Variants in PSMD2 observed in about 807,000 individuals in gnomAD.
PSMD2 encodes the protein proteasome 26S subunit ubiquitin receptor, non-ATPase 2.
In PSMD2, 8 loss-of-function variants were observed where a neutral mutation model predicts 101.5. The ratio of observed to expected loss-of-function variants is 0.08; its 90% CI spans 0.05 to 0.14. The LOEUF (loss-of-function observed/expected upper bound fraction) is 0.14. Among genes scored for constraint, PSMD2 ranks in the 10% least tolerant of loss-of-function variants. The pLI, the probability that PSMD2 is intolerant of heterozygous loss-of-function variation, is 1.00. For missense variants in PSMD2, 784 were observed against 1,147.4 expected (o/e 0.68, Z 4.58); for synonymous variants, 418 against 433.8 (o/e 0.96, Z 0.45).
rs935618239 is a variant in PSMD2, at chr3:184,308,642, A to G, written c.2545-66A>G. The G allele has an allele frequency of 6.3e-7, 1 of 1,587,504 alleles. No individual in the cohort carries two copies. Among genetic ancestry groups the G allele is most frequent in the Non-Finnish European group, 8.6e-7 (1 of 1,158,102 alleles). The stretch of plus-strand genomic sequence containing the variant: ...GAATGTACATATACTTGCTTTGCTG[A>G]AACTGGCGTGGGCGGTGGCTTGTCG... On this transcript the variant is annotated intron_variant, in intron 20 of 20. Coordinates refer to ENST00000310118, the MANE Select transcript of PSMD2 (RefSeq NM_002808.5). This position sits in a 1 kb window ranked among gnomAD's most constrained non-coding sequence, Gnocchi z 6.0.
At position 184,299,324 on chromosome 3, in the gene PSMD2, G is replaced by A; in HGVS notation, c.58G>A (p.Ala20Thr). The change falls in exon 1 of 21, where the codon GCC becomes ACC. Residue 20 changes from alanine to threonine, a missense_variant. This residue lies in a region of PSMD2 where 196 missense variants were observed against 182.4 expected (regional missense o/e 1.07). Transcript: ENST00000310118. ...PVQPQQSPAA[A>T]PGGTDEKPSG... ...GCAGCCCCAGCAGTCTCCAGCGGCG[G>A]CCCCCGGCGGCACGGACGAGAAGCC... 1 of 1,407,156 alleles carries A rather than the reference G, an allele frequency of 7.1e-7. No homozygotes were observed. Among genetic ancestry groups the A allele is most frequent in the Non-Finnish European group, 9.2e-7 (1 of 1,084,204 alleles). The allele number at this position is 1,407,156 out of a possible 1,614,324, so 87.2% of individuals were successfully genotyped here. A position where few individuals can be genotyped will look rare whatever the true frequency, so the allele number is the denominator to read the frequency against.
chr3:184,303,320 G>A lies in PSMD2; in HGVS notation c.1070G>A (p.Arg357Lys), dbSNP rs762333368. The change falls in exon 9 of 21, where the codon AGG (arginine) becomes AAG (lysine). Residue 357 changes from arginine (R) to lysine (K), a missense_variant and splice_region_variant. Around this residue, in one of 6 missense-constraint regions of PSMD2, gnomAD observed 208 missense variants for 301.6 expected, o/e 0.69. Transcript: ENST00000310118. Reference protein sequence around the residue: ...DIYKTHLENNRFGGSGSQVDS... With the variant: ...DIYKTHLENNKFGGSGSQVDS... ...ACTTTTCCTCTCCCTCCTGTTGCAG[G>A]GTTTGGGGGCAGTGGCTCTCAGGTG... 6.2e-7 allele frequency: 1 copy of A among 1,611,388 alleles called. No individual in the cohort carries two copies. The highest frequency in any genetic ancestry group is 2.2e-5 in the East Asian group (1 of 44,868).
rs138827504 is a variant in PSMD2 at position 184,302,290 on chromosome 3, A to G, written c.705-80A>G. The G allele has an allele frequency of 4.7e-4, 653 of 1,403,492 alleles. 4 individuals are homozygous for G. The African/African-American group carries it at 9.9e-3, about 21-fold the overall frequency. The allele number at this position is 1,403,492 out of a possible 1,614,324, so 86.9% of individuals were successfully genotyped here. A position where few individuals can be genotyped will look rare whatever the true frequency, so the allele number is the denominator to read the frequency against. Reference sequence around the variant, plus strand: ...CTGGTGTATATAGTAGATATTTATTATTTATTTTGGGTAAGTGAATTCATG... The same window carrying G: ...CTGGTGTATATAGTAGATATTTATTGTTTATTTTGGGTAAGTGAATTCATG... On this transcript the variant is annotated intron_variant, in intron 5 of 20. Coordinates refer to ENST00000310118, the MANE Select transcript of PSMD2 (RefSeq NM_002808.5).
At chr3:184,301,386 G>T in intron 3 of PSMD2, 151 bp from the exon 4 acceptor site, 1 of 1,011,216 alleles carries the variant, frequency 9.9e-7, no homozygotes, top group Non-Finnish European at 1.4e-6. Context: ...TGGTTTTTGT[G>T]AGGTTTAGCT....
chr3:184,299,492 A>C (rs1721571051), intron 1 of PSMD2, 91 bp downstream of exon 1: 6 of 1,300,976 alleles, frequency 4.6e-6, no homozygotes, highest in Non-Finnish European at 5.9e-6. Flanking sequence ...CAACTACCCC[A>C]CCGCGCCAGG....
chr3:184,301,398 A>G (rs953826428), intron 3 of PSMD2, 139 bp from the exon 4 acceptor site: 1 of 1,152,314 alleles, frequency 8.7e-7, no homozygotes, highest in African/African-American at 1.5e-5. Flanking sequence ...GGTTTAGCTT[A>G]CATAACATGT....
intron 4 of PSMD2, 33 bp downstream of exon 4, chr3:184,301,691 G>A: frequency 8.1e-6 from 13 of 1,612,946 alleles, no homozygotes; most frequent in Non-Finnish European, 1.1e-5. Context: ...TCCGAAGGGG[G>A]CTCTGAGGCT....
chr3:184,300,714 C>T (rs750219482), intron 3 of PSMD2: 14 of 1,110,448 alleles, frequency 1.3e-5, no homozygotes, highest in East Asian at 4.3e-5. Context: ...TTTCTCTTTT[C>T]TTCTATCCCA....
rs1721866890 is a variant in PSMD2, at chr3:184,307,364, A to G, written c.2042A>G (p.Tyr681Cys). The change falls in exon 17 of 21, where the codon TAT becomes TGT. Residue 681 changes from tyrosine to cysteine, a missense_variant. Coordinates refer to ENST00000310118, the MANE Select transcript of PSMD2 (RefSeq NM_002808.5). ...ATTTTCTTGGATCATCAGCTGAGAT[A>G]TGGGGAGCCTACACTCCGGAGGGCT... ...ALRTFGHLLR[Y>C]GEPTLRRAVP... The G allele has an allele frequency of 2.5e-6, 4 of 1,613,976 alleles. No individual in the cohort carries two copies. Among genetic ancestry groups the G allele is most frequent in the Non-Finnish European group, 3.4e-6 (4 of 1,179,992 alleles).
chr3:184,301,336 C>CA (rs112455702), intron 3 of PSMD2, among the ~76,000 whole-genome samples: 1,746 of 90,234 alleles, frequency 0.019, 14 homozygotes, highest in Non-Finnish European at 0.023. Flanking sequence ...AACTGAGTCT[C>CA]AAAAAAAAAA....
Position 184,303,370 on chromosome 3 carries a change from T to G in PSMD2, c.1120T>G (p.Ser374Ala), listed in dbSNP as rs1456973685. ...QVDSARMNLASSFVNGFVNAA... is the reference protein window; with the variant it reads ...QVDSARMNLAASFVNGFVNAA... ...GGACTCTGCCCGCATGAACCTGGCC[T>G]CCTCTTTTGTGAATGGCTTTGTGAA... Residue 374 changes from serine to alanine, a missense_variant, in exon 9 of 21, where the codon TCC (serine) becomes GCC (alanine). Transcript: ENST00000310118. 5.6e-6 allele frequency: 9 copies of G among 1,614,044 alleles called. No individual in the cohort carries two copies. The Admixed American group carries it at 1.2e-4, about 21-fold the overall frequency.
In PSMD2 at chr3:184,299,300, C is replaced by T; in HGVS notation, c.34C>T (p.Gln12Ter). ...GGGAGGCCGGGACAAGGCGCCGGTG[C>T]AGCCCCAGCAGTCTCCAGCGGCGGC... ...EEGGRDKAPV[Q>*]PQQSPAAAPG... Residue 12 changes from glutamine (Q) to a stop codon, truncating the protein, a stop_gained, in exon 1 of 21, where the codon CAG (glutamine) becomes TAG (stop). Coordinates refer to ENST00000310118, the MANE Select transcript of PSMD2 (RefSeq NM_002808.5). LOFTEE classifies it high-confidence loss of function. 1.4e-6 allele frequency: 2 copies of T among 1,382,376 alleles called. No individual in the cohort carries two copies. Among genetic ancestry groups the T allele is most frequent in the South Asian group, 1.6e-5 (1 of 64,454 alleles). The allele number at this position is 1,382,376 out of a possible 1,614,324, so 85.6% of individuals were successfully genotyped here.
Position 184,300,267 on chromosome 3 carries a change from G to T in PSMD2, c.193-13G>T. The stretch of plus-strand genomic sequence containing the variant: ...GACTCCTTTTTGTCTGAGCCCTGTC[G>T]TCTCTTGATCAGGAGAAGGATACAT... On this transcript the variant is annotated splice_polypyrimidine_tract_variant and intron_variant, in intron 2 of 20. Coordinates refer to ENST00000310118, the MANE Select transcript of PSMD2 (RefSeq NM_002808.5). 1 of 1,607,478 alleles carries T rather than the reference G, an allele frequency of 6.2e-7. No individual in the cohort carries two copies. Among genetic ancestry groups the T allele is most frequent in the Admixed American group, 1.7e-5 (1 of 58,698 alleles).
intron 16 of PSMD2, 135 bp from the exon 17 acceptor site, chr3:184,307,222 C>T (rs1360972412): frequency 9.4e-6 from 9 of 955,502 alleles, no homozygotes; most frequent in Non-Finnish European, 1.2e-5. Context: ...GGATTACAGG[C>T]ATGAGCCACC....
chr3:184,306,582 C>T (rs1202835477), intron 15 of PSMD2, 87 bp downstream of exon 15: 1 of 1,555,236 alleles, frequency 6.4e-7, no homozygotes, highest in Non-Finnish European at 8.7e-7. Flanking sequence ...TGCTTTAGGG[C>T]CTCTCTGGGT....
rs767466862 is a variant in PSMD2, at chr3:184,302,482, A to C, written c.817A>C (p.Asn273His). 2.5e-6 allele frequency: 4 copies of C among 1,614,174 alleles called. No individual in the cohort carries two copies. In the South Asian group the frequency reaches 4.4e-5, roughly 18 times the overall value. The change falls in exon 6 of 21, where the codon AAT becomes CAT. Residue 273 changes from asparagine to histidine, a missense_variant. Physicochemically the swap from Asn to His is moderately conservative, Grantham distance 68. This residue lies in a region of PSMD2 where 208 missense variants were observed against 301.6 expected (regional missense o/e 0.69). Transcript: ENST00000310118. ...AGCTCTGAGATTGGCATTGATGCTC[A>C]ATGACATGGAGTTGGTAGAAGACAT... is the stretch of plus-strand genomic sequence containing the variant. ...PEALRLALML[N>H]DMELVEDIFT...
Position 184,308,613 on chromosome 3 carries a change from T to C in PSMD2, c.2544+46T>C, listed in dbSNP as rs1444794472. On this transcript the variant is annotated intron_variant, in intron 20 of 20. Transcript: ENST00000310118. This position sits in a 1 kb window ranked among gnomAD's most constrained non-coding sequence, Gnocchi z 6.0. ...GAGGGCTCAGGCTGTATTCTCAAACTGGAGAATGTACATATACTTGCTTTG... is the reference window on the plus strand; with the variant it reads ...GAGGGCTCAGGCTGTATTCTCAAACCGGAGAATGTACATATACTTGCTTTG... 1.3e-5 allele frequency: 20 copies of C among 1,591,340 alleles called. No individual in the cohort carries two copies. Among genetic ancestry groups the C allele is most frequent in the Non-Finnish European group, 1.7e-5 (20 of 1,161,396 alleles).
rs903037921 is a variant in PSMD2, at chr3:184,303,882, T to G, written c.1324-65T>G. The G allele has an allele frequency of 3.7e-6, 6 of 1,612,298 alleles. No individual in the cohort carries two copies. The African/African-American group carries it at 8.0e-5, about 22-fold the overall frequency. On this transcript the variant is annotated intron_variant, in intron 10 of 20. Transcript: ENST00000310118. ...AATAAGGGTGCTGCAGTGAGGCCCA[T>G]GTTGCATCCTTTGCGGTGAGGAAGA...
chr3:184,299,764 G>C (rs773756710), intron 1 of PSMD2, 87 bp from the exon 2 acceptor site: 2 of 1,141,018 alleles, frequency 1.8e-6, no homozygotes, highest in African/African-American at 3.0e-5. Flanking sequence ...AAGGAGGCAG[G>C]CTTATTCTTC....
Sources: gnomAD v4.1 joint callset for allele counts (sites outside exome capture counted in the v4.1 genomes callset) on GRCh38, gnomAD v4.1.1 for gene constraint, gnomAD v4.1.1 regional missense constraint, Gnocchi (gnomAD v3.1) non-coding constraint, MANE v1.5 for transcripts, NCBI Gene and HGNC (gene_info 2026-07-23, HGNC 2026-07-21) for gene names.